The following CLUAP1 variants were observed in gnomAD, a reference collection of about 807,000 sequenced individuals.
CLUAP1 encodes the protein clusterin-associated protein 1.
Under a neutral mutation model 55.0 loss-of-function variants are expected in CLUAP1, and 50 were observed. The observed-to-expected ratio is 0.91, with a 90% CI of 0.72 to 1.15. CLUAP1 has a LOEUF of 1.15. Among genes scored for constraint, CLUAP1 ranks in the 50% most tolerant of loss-of-function variants. The pLI, the probability that CLUAP1 is intolerant of heterozygous loss-of-function variation, is 0.00. For synonymous variants in CLUAP1, 195 were observed against 175.4 expected, an observed-to-expected ratio of 1.11 and a Z score of -0.88; for missense variants, 530 against 507.6, an observed-to-expected ratio of 1.04 and a Z score of -0.42.
chr16:3,532,791 C>T lies in CLUAP1; in HGVS notation c.1042C>T (p.Pro348Ser), dbSNP rs775081653. Residue 348 changes from proline to serine, a missense_variant, in exon 11 of 12, where the codon CCT (proline) becomes TCT (serine). By Grantham distance (74) the Pro-to-Ser change is moderately conservative. Transcript: ENST00000576634. ...TAMEMLMQGR[P>S]GKRIVGTMQG... ...CATGCTTTTGTTGTTCTCAGGAAGA[C>T]CTGGCAAACGCATTGTGGGCACGAT... 5.0e-6 allele frequency: 8 copies of T among 1,614,016 alleles called. No homozygotes were observed. The Admixed American group carries it at 1.3e-4, about 27-fold the overall frequency.
At chr16:3,533,518 G>A in intron 11 of CLUAP1, 1 of 262,332 alleles carries the variant, frequency 3.8e-6, no homozygotes, top group Non-Finnish European at 7.5e-6. Flanking sequence ...CAGGCATGAG[G>A]CTGAGACATA....
rs1440642942 is a variant in CLUAP1 at position 3,501,009 on chromosome 16, G to C, written c.-59G>C. The C allele has an allele frequency of 1.9e-6, 3 of 1,558,520 alleles. No homozygotes were observed. Among genetic ancestry groups the C allele is most frequent in the East Asian group, 2.3e-5 (1 of 43,058 alleles). On this transcript the variant is annotated 5_prime_UTR_variant, in exon 1 of 12. Transcript: ENST00000576634. ...TGCCATAGAGATCGTCGAGCGCTGGGCCTGTGATCGCTGAGGGGCGAGCAG... is the reference window on the plus strand; with the variant it reads ...TGCCATAGAGATCGTCGAGCGCTGGCCCTGTGATCGCTGAGGGGCGAGCAG...
At chr16:3,526,767 A>T (rs1029392183) in intron 9 of CLUAP1, among the ~76,000 whole-genome samples, 7 of 152,320 alleles carry the variant, frequency 4.6e-5, no homozygotes, top group South Asian at 2.1e-4. Context: ...GTTTAAATAT[A>T]GCATTTAAAA....
intron 5 of CLUAP1, among the ~76,000 whole-genome samples, chr16:3,512,902 A>G (rs113302375): frequency 0.073 from 11,041 of 152,040 alleles, 1,121 homozygotes; most frequent in African/African-American, 0.23. Flanking sequence ...GGATGGTCTC[A>G]ATCTCCTGAC....
chr16:3,529,578 TATA>T (rs1162648367), intron 9 of CLUAP1, among the ~76,000 whole-genome samples: 2 of 46,008 alleles, frequency 4.3e-5, no homozygotes, highest in Non-Finnish European at 7.1e-5. Flanking sequence ...TTATATATTA[TATA>T]ATATTATATA....
chr16:3,500,064 C>T (rs1381677442), upstream of CLUAP1, among the ~76,000 whole-genome samples: 2 of 152,262 alleles, frequency 1.3e-5, no homozygotes, highest in Non-Finnish European at 2.9e-5. Flanking sequence ...CCTTACAAAA[C>T]CCGGCTGCTG....
intron 9 of CLUAP1, among the ~76,000 whole-genome samples, chr16:3,529,683 ATTAT>A (rs2038052840): frequency 3.2e-4 from 2 of 6,222 alleles, no homozygotes; most frequent in Non-Finnish European, 4.6e-4. Context: ...TATATTATAT[ATTAT>A]TATATATTAT....
intron 2 of CLUAP1, among the ~76,000 whole-genome samples, chr16:3,505,228 G>C (rs182467960): frequency 1.6e-3 from 247 of 152,164 alleles, no homozygotes; most frequent in African/African-American, 5.7e-3. Flanking sequence ...GATTGAGACT[G>C]TGTCTCAAAA....
rs999549138 is a variant in CLUAP1 at position 3,512,367 on chromosome 16, G to C, written c.400-16G>C. The C allele has an allele frequency of 3.7e-6, 6 of 1,605,018 alleles. No individual in the cohort carries two copies. In the African/African-American group the frequency reaches 8.0e-5, roughly 21 times the overall value. ...ATCTGTTGCTGAGGTTTCTGTTTTTGTTATTTTCCTTCCAGATTGCAGATT... is the reference window on the plus strand; with the variant it reads ...ATCTGTTGCTGAGGTTTCTGTTTTTCTTATTTTCCTTCCAGATTGCAGATT... On this transcript the variant is annotated splice_polypyrimidine_tract_variant and intron_variant, in intron 4 of 11. Transcript: ENST00000576634.
upstream of CLUAP1, chr16:3,496,695 A>C (rs2037315407): frequency 1.9e-6 from 1 of 532,786 alleles, no homozygotes; most frequent in Non-Finnish European, 3.8e-6. Context: ...AGCCACACCA[A>C]ACGCTATTTC....
At chr16:3,514,228 CG>C in intron 5 of CLUAP1, among the ~76,000 whole-genome samples, 1 of 152,268 alleles carries the variant, frequency 6.6e-6, no homozygotes, top group Middle Eastern at 3.4e-3. Context: ...TTCCATCCCA[CG>C]GGGTCTCTTT....
intron 4 of CLUAP1, among the ~76,000 whole-genome samples, chr16:3,508,942 C>T (rs748997258): frequency 1.4e-5 from 2 of 147,882 alleles, no homozygotes; most frequent in Admixed American, 6.7e-5. Context: ...TGGCGGGTGG[C>T]GTCAGGGTGT....
chr16:3,500,464 G>A (rs1458013740), upstream of CLUAP1, among the ~76,000 whole-genome samples: 1 of 151,856 alleles, frequency 6.6e-6, no homozygotes, highest in East Asian at 1.9e-4. Flanking sequence ...CTGCCTGCCG[G>A]GTTCAAGTAA....
chr16:3,522,209 G>A (rs2037851554), intron 7 of CLUAP1, among the ~76,000 whole-genome samples: 1 of 151,932 alleles, frequency 6.6e-6, no homozygotes, highest in Non-Finnish European at 1.5e-5. Flanking sequence ...TGTTGCCTAG[G>A]CTGGAGTGCA....
At chr16:3,511,863 T>G (rs868842411) in intron 4 of CLUAP1, among the ~76,000 whole-genome samples, 6 of 152,264 alleles carry the variant, frequency 3.9e-5, no homozygotes, top group African/African-American at 1.4e-4. Context: ...GGAGCTGACA[T>G]GAACAGGCTA....
rs531443457 is a variant in CLUAP1 at position 3,507,555 on chromosome 16, A to C, written c.220-734A>C. On this transcript the variant is annotated intron_variant, in intron 3 of 11. Transcript: ENST00000576634. ...AGCCCAGGTGACAGAGTGAGACCCT[A>C]TCTCAAAAAAAAAAAAAAAATTAAA... 1.8e-3 allele frequency among the ~76,000 whole-genome samples: 259 copies of C among 146,056 alleles called. 2 individuals are homozygous for C. The highest frequency in any genetic ancestry group is 6.6e-3 in the African/African-American group (247 of 37,554).
At chr16:3,523,054 A>C in intron 7 of CLUAP1, 104 bp from the exon 8 acceptor site, 1 of 903,082 alleles carries the variant, frequency 1.1e-6, no homozygotes, top group South Asian at 2.2e-5. Context: ...TCTCTAATTA[A>C]GGGTTTCCAG....
upstream of CLUAP1, chr16:3,500,951 C>T (rs2037383378): frequency 2.7e-6 from 3 of 1,125,566 alleles, no homozygotes; most frequent in African/African-American, 1.5e-5. Context: ...TTTTGTTTGT[C>T]CCTGACCGTG....
chr16:3,495,427 G>A, the CLUAP1 span: 1 of 1,610,018 alleles, frequency 6.2e-7, no homozygotes, highest in South Asian at 1.1e-5. Flanking sequence ...TCCATGGAGG[G>A]CCAGTGTGGT....
Sources: allele counts gnomAD v4.1 joint callset (sites outside exome capture counted in the v4.1 genomes callset), GRCh38; gene constraint gnomAD v4.1.1; transcripts MANE v1.5; gene names NCBI Gene and HGNC (gene_info 2026-07-23, HGNC 2026-07-21).